The following RELN variants were observed in gnomAD, a reference collection of about 807,000 sequenced individuals.
RELN encodes reelin.
In RELN, 108 loss-of-function variants were observed where a neutral mutation model predicts 427.6. The ratio of observed to expected loss-of-function variants is 0.25; its 90% CI spans 0.22 to 0.30. RELN has a LOEUF of 0.30. Ranked by LOEUF, RELN falls within the 10% of genes least tolerant of loss-of-function variation. The pLI, the probability that RELN is intolerant of heterozygous loss-of-function variation, is 1.00. For synonymous variants in RELN, 1,524 were observed against 1,513.4 expected (o/e 1.01, Z -0.16); for missense variants, 3,715 against 4,302.8 (o/e 0.86, Z 3.82).
chr7:103,982,634 T>G (rs969777869), intron 1 of RELN, among the ~76,000 whole-genome samples: 1 of 151,140 alleles, frequency 6.6e-6, no homozygotes, highest in African/African-American at 2.4e-5. Context: ...AAGATAAAAT[T>G]TAGAGAGAGG....
intron 57 of RELN, 78 bp from the exon 58 acceptor site, chr7:103,492,104 C>T: frequency 2.7e-6 from 3 of 1,114,502 alleles, no homozygotes; most frequent in Non-Finnish European, 4.0e-6. Context: ...CCCATCCGTC[C>T]ATTTATTACT....
chr7:103,712,456 G>C (rs781325129), intron 8 of RELN, among the ~76,000 whole-genome samples: 1 of 152,030 alleles, frequency 6.6e-6, no homozygotes, highest in Non-Finnish European at 1.5e-5. Context: ...AGCCATATAG[G>C]TCCATAATCC....
At chr7:103,527,633 G>C (rs1292836144) in intron 46 of RELN, among the ~76,000 whole-genome samples, 1 of 152,200 alleles carries the variant, frequency 6.6e-6, no homozygotes, top group East Asian at 1.9e-4. Context: ...CTCTGTGTTT[G>C]AGCAACAGAC....
intron 43 of RELN, 74 bp downstream of exon 43, chr7:103,542,657 C>T: frequency 6.5e-7 from 1 of 1,535,892 alleles, no homozygotes; most frequent in Non-Finnish European, 9.0e-7. Context: ...CGCTCTGCTT[C>T]CTTCTGATTT....
At position 103,569,469 on chromosome 7, in the gene RELN, G is replaced by A. The variant is rs1830832895; in HGVS notation, c.4589-2710C>T. Among the ~76,000 whole-genome samples the A allele has an allele frequency of 6.6e-6, 1 of 152,158 alleles. No homozygotes were observed. The highest frequency in any genetic ancestry group is 1.9e-4 in the East Asian group (1 of 5,198). ...TGATGTCTTAAGCTACTTAGTTGTG[G>A]AATAATTTGTTATGTAGCATACCAC... On this transcript the variant is annotated intron_variant, in intron 31 of 64. Transcript: ENST00000428762. This position sits in a 1 kb window ranked among gnomAD's most constrained non-coding sequence, Gnocchi z 4.0.
chr7:103,651,699 G>C lies in RELN; in HGVS notation c.1854C>G (p.Leu618=). Residue 618 remains leucine, a synonymous_variant, in exon 15 of 65, where the codon CTC becomes CTG. Coordinates refer to ENST00000428762, the MANE Select transcript of RELN (RefSeq NM_005045.4). ...CLPEICAGPH[L]PHSTVYSSEN... ...CAGAGGAGTAGACAGTGCTGTGGGG[G>C]AGGTGGGGTCCAGCACAGATCTCAG... 2 of 1,611,970 alleles carry C rather than the reference G, an allele frequency of 1.2e-6. No individual in the cohort carries two copies. Among genetic ancestry groups the C allele is most frequent in the East Asian group, 4.5e-5 (2 of 44,768 alleles).
intron 2 of RELN, among the ~76,000 whole-genome samples, chr7:103,915,326 C>T (rs1322861869): frequency 1.3e-5 from 2 of 152,146 alleles, no homozygotes; most frequent in Non-Finnish European, 2.9e-5. Context: ...CATACCCTTT[C>T]CCAGCACTCA....
At chr7:103,770,611 T>G (rs1330350098) in intron 4 of RELN, among the ~76,000 whole-genome samples, 1 of 151,974 alleles carries the variant, frequency 6.6e-6, no homozygotes, top group Non-Finnish European at 1.5e-5. Context: ...TCCAGAATCC[T>G]TTCCTCTCTG....
rs57282777 is a variant in RELN, at chr7:103,920,593, T to TTTTTTTTGA, written c.227-3409_227-3408insTCAAAAAAA. 2.1e-3 allele frequency among the ~76,000 whole-genome samples: 278 copies of TTTTTTTTGA among 129,342 alleles called. 5 individuals carry two copies. Among genetic ancestry groups the TTTTTTTTGA allele is most frequent in the African/African-American group, 7.2e-3 (235 of 32,808 alleles). The allele number at this position is 129,342 out of a possible 152,430, so 84.9% of individuals were successfully genotyped here. A position where few individuals can be genotyped will look rare whatever the true frequency, so the allele number is the denominator to read the frequency against. On this transcript the variant is annotated intron_variant, in intron 1 of 64. Transcript: ENST00000428762. Reference sequence around the variant, plus strand: ...TTTTTTTTTTTGTTTTTTTTTTTTTTGAGAGAGTCTCGCTCTCTTACCCAG... The same window carrying TTTTTTTTGA: ...TTTTTTTTTTTGTTTTTTTTTTTTTTTTTTTTTGAGAGAGAGTCTCGCTCTCTTACCCAG...
intron 57 of RELN, among the ~76,000 whole-genome samples, chr7:103,494,365 T>TTGTGTGTGTGTGTGTGTGTGTGTGTGTG (rs58533286): frequency 6.1e-4 from 72 of 118,256 alleles, no homozygotes; most frequent in African/African-American, 2.2e-3. Context: ...GTAATGACTT[T>TTGTGTGTGTGTGTGTGTGTGTGTGTGTG]TGTGTGTGTG....
intron 12 of RELN, among the ~76,000 whole-genome samples, chr7:103,658,543 T>C (rs1188175306): frequency 6.6e-6 from 1 of 152,046 alleles, no homozygotes; most frequent in Non-Finnish European, 1.5e-5. Flanking sequence ...CTCTACCCTA[T>C]GCCACCCTAC....
chr7:103,896,935 G>C (rs1794974365), intron 2 of RELN, among the ~76,000 whole-genome samples: 1 of 152,052 alleles, frequency 6.6e-6, no homozygotes, highest in South Asian at 2.1e-4. Context: ...AGGTTTAATG[G>C]ACTTGCACTT....
At chr7:103,613,469 C>T (rs1382627816) in intron 20 of RELN, among the ~76,000 whole-genome samples, 2 of 151,940 alleles carry the variant, frequency 1.3e-5, no homozygotes, top group African/African-American at 4.8e-5. Context: ...CAATTTTTAG[C>T]AATATTGGAA....
At chr7:103,865,390 T>G (rs1794174730) in intron 2 of RELN, among the ~76,000 whole-genome samples, 2 of 152,202 alleles carry the variant, frequency 1.3e-5, no homozygotes, top group South Asian at 4.1e-4. Flanking sequence ...ACTTCCAAAC[T>G]CATTTTATGA....
chr7:103,987,551 C>T (rs899105010), intron 1 of RELN, among the ~76,000 whole-genome samples: 6 of 152,156 alleles, frequency 3.9e-5, no homozygotes, highest in Non-Finnish European at 7.3e-5. Context: ...ACAGTCACGC[C>T]TTTGAGACCA....
Position 103,603,536 on chromosome 7 carries a change from C to A in RELN, c.3147-46G>T. ...GTAGGCAGGTTACAGGCCCACCTGC[C>A]AATGCAATGGCCCTCTGACCTCAAC... On this transcript the variant is annotated intron_variant, in intron 23 of 64. Coordinates refer to ENST00000428762, the MANE Select transcript of RELN (RefSeq NM_005045.4). This position sits in a 1 kb window ranked among gnomAD's most constrained non-coding sequence, Gnocchi z 4.3. 1 of 1,417,514 alleles carries A rather than the reference C, an allele frequency of 7.1e-7. No homozygotes were observed. Among genetic ancestry groups the A allele is most frequent in the South Asian group, 1.1e-5 (1 of 86,988 alleles). The allele number at this position is 1,417,514 out of a possible 1,614,324, so 87.8% of individuals were successfully genotyped here. A position where few individuals can be genotyped will look rare whatever the true frequency, so the allele number is the denominator to read the frequency against.
intron 9 of RELN, among the ~76,000 whole-genome samples, chr7:103,699,756 A>G (rs191935814): frequency 2.6e-5 from 4 of 152,256 alleles, no homozygotes; most frequent in East Asian, 1.9e-4. Context: ...ATGCATTTTC[A>G]TAACTACTAG....
intron 1 of RELN, among the ~76,000 whole-genome samples, chr7:103,930,866 ATATG>A (rs1325108558): frequency 4.6e-5 from 4 of 87,758 alleles, no homozygotes; most frequent in Admixed American, 1.4e-4. Context: ...GGGTGTGAGC[ATATG>A]TGTGTGTGTG....
chr7:103,695,174 A>C (rs1833952327), intron 10 of RELN, among the ~76,000 whole-genome samples: 2 of 152,166 alleles, frequency 1.3e-5, no homozygotes, highest in Non-Finnish European at 2.9e-5. Flanking sequence ...TAAAGAAACA[A>C]TTTTTATTTC....
Sources: allele counts gnomAD v4.1 joint callset (sites outside exome capture counted in the v4.1 genomes callset), GRCh38; gene constraint gnomAD v4.1.1; non-coding constraint Gnocchi (gnomAD v3.1); transcripts MANE v1.5; gene names NCBI Gene and HGNC (gene_info 2026-07-23, HGNC 2026-07-21).